The following DENND1A variants were observed in gnomAD, a reference collection of about 807,000 sequenced individuals.
DENND1A encodes DENN domain-containing protein 1A.
Under a neutral mutation model 113.7 loss-of-function variants are expected in DENND1A, and 51 were observed. The observed-to-expected ratio is 0.45, with a 90% confidence interval of 0.36 to 0.57. DENND1A has a LOEUF of 0.57. DENND1A is among the 20% of genes least tolerant of loss of function. The pLI, the probability that DENND1A is intolerant of heterozygous loss-of-function variation, is 0.00. For synonymous variants in DENND1A, 565 were observed against 570.8 expected (o/e 0.99, Z 0.14); for missense variants, 1,258 against 1,395.9 (o/e 0.90, Z 1.57).
At chr9:123,706,465 T>C (rs1451777906) in intron 5 of DENND1A, among the ~76,000 whole-genome samples, 1 of 151,186 alleles carries the variant, frequency 6.6e-6, no homozygotes, top group Non-Finnish European at 1.5e-5. Flanking sequence ...GGATATAGAG[T>C]ATGTGGACAA....
chr9:123,775,366 A>G (rs771575118), intron 3 of DENND1A, among the ~76,000 whole-genome samples: 16 of 152,162 alleles, frequency 1.1e-4, no homozygotes, highest in Non-Finnish European at 2.2e-4. Flanking sequence ...AATTCCTGTT[A>G]TCTGCACATT....
At chr9:123,465,237 C>T (rs1271953988) in intron 13 of DENND1A, among the ~76,000 whole-genome samples, 1 of 149,320 alleles carries the variant, frequency 6.7e-6, no homozygotes. Flanking sequence ...AGAATCCTGT[C>T]TAGTTCAGGG....
At chr9:123,466,112 C>A (rs759455176) in intron 13 of DENND1A, among the ~76,000 whole-genome samples, 1 of 152,146 alleles carries the variant, frequency 6.6e-6, no homozygotes, top group Non-Finnish European at 1.5e-5. Flanking sequence ...CATTCTCCTG[C>A]CTCAGCCTCC....
chr9:123,629,826 T>C (rs1281678332), intron 10 of DENND1A, among the ~76,000 whole-genome samples: 2 of 152,228 alleles, frequency 1.3e-5, no homozygotes, highest in African/African-American at 2.4e-5. Flanking sequence ...GAGATCTCAA[T>C]TGTTTTTGTC....
At position 123,633,676 on chromosome 9, in the gene DENND1A, T is replaced by G. The variant is rs564837441; in HGVS notation, c.619-3200A>C. 9.7e-4 allele frequency among the ~76,000 whole-genome samples: 147 copies of G among 152,254 alleles called. 1 individual carries two copies. Among genetic ancestry groups the G allele is most frequent in the Non-Finnish European group, 1.7e-3 (119 of 68,028 alleles). On this transcript the variant is annotated intron_variant, in intron 9 of 23. Coordinates refer to ENST00000394215, the MANE Select transcript of DENND1A (RefSeq NM_001352964.2). Reference sequence around the variant, plus strand: ...CTGTAGTCCCAGCTACTCGGGAGGCTGAGGCAGGAGAATTGCTTGAACCCA... The same window carrying G: ...CTGTAGTCCCAGCTACTCGGGAGGCGGAGGCAGGAGAATTGCTTGAACCCA...
chr9:123,697,405 A>G (rs1034412630), intron 5 of DENND1A, among the ~76,000 whole-genome samples: 2 of 152,044 alleles, frequency 1.3e-5, no homozygotes, highest in African/African-American at 2.4e-5. Flanking sequence ...TTATTTTTCC[A>G]TAAGTTATTG....
At chr9:123,541,771 A>G (rs2056305270) in intron 13 of DENND1A, among the ~76,000 whole-genome samples, 1 of 152,258 alleles carries the variant, frequency 6.6e-6, no homozygotes, top group African/African-American at 2.4e-5. Flanking sequence ...AGATGCACAG[A>G]GGACGAGTAC....
intron 9 of DENND1A, among the ~76,000 whole-genome samples, chr9:123,637,209 C>G (rs2138881930): frequency 6.6e-6 from 1 of 152,206 alleles, no homozygotes; most frequent in Non-Finnish European, 1.5e-5. Flanking sequence ...AACATAAACG[C>G]AAAGAAATGA....
At chr9:123,489,418 C>T (rs139819552) in intron 13 of DENND1A, among the ~76,000 whole-genome samples, 9 of 152,330 alleles carry the variant, frequency 5.9e-5, no homozygotes, top group East Asian at 5.8e-4. Context: ...CCTCATCCTT[C>T]GGCAAGAGCA....
intron 5 of DENND1A, among the ~76,000 whole-genome samples, chr9:123,753,431 C>T (rs2070238811): frequency 6.6e-6 from 1 of 152,200 alleles, no homozygotes; most frequent in Non-Finnish European, 1.5e-5. Context: ...ATGGCTTAAC[C>T]CTTCATGGAC....
intron 13 of DENND1A, among the ~76,000 whole-genome samples, chr9:123,462,658 G>A (rs924619213): frequency 2.0e-5 from 3 of 152,144 alleles, no homozygotes; most frequent in Non-Finnish European, 4.4e-5. Context: ...TTAGCTGGGC[G>A]TGTTGGCGCA....
At chr9:123,531,671 T>C (rs746580040) in intron 13 of DENND1A, among the ~76,000 whole-genome samples, 133 of 151,294 alleles carry the variant, frequency 8.8e-4, no homozygotes, top group Non-Finnish European at 1.7e-3. Flanking sequence ...ATTGCAGACA[T>C]GATATCCTTT....
At chr9:123,489,071 TACACACAC>T (rs144964204) in intron 13 of DENND1A, among the ~76,000 whole-genome samples, 2 of 149,656 alleles carry the variant, frequency 1.3e-5, no homozygotes, top group African/African-American at 2.4e-5. Context: ...TTCCCTCTGT[TACACACAC>T]ACACACACAC....
intron 13 of DENND1A, among the ~76,000 whole-genome samples, chr9:123,460,852 C>T (rs991792759): frequency 1.3e-5 from 2 of 152,208 alleles, no homozygotes; most frequent in African/African-American, 2.4e-5. Flanking sequence ...TACCTTTGTG[C>T]GATTATTTGA....
At chr9:123,737,859 C>A (rs775313350) in intron 5 of DENND1A, among the ~76,000 whole-genome samples, 3 of 152,144 alleles carry the variant, frequency 2.0e-5, no homozygotes, top group African/African-American at 7.2e-5. Context: ...AAATGGACTG[C>A]CATTTGGGAG....
At chr9:123,578,743 TA>T (rs1589216577) in intron 12 of DENND1A, among the ~76,000 whole-genome samples, 1 of 152,130 alleles carries the variant, frequency 6.6e-6, no homozygotes, top group Admixed American at 6.5e-5. Context: ...AAATGGGCAA[TA>T]AATCAGTACA....
chr9:123,476,627 T>C (rs909355114), intron 13 of DENND1A, among the ~76,000 whole-genome samples: 43 of 152,244 alleles, frequency 2.8e-4, no homozygotes, highest in African/African-American at 1.0e-3. Flanking sequence ...GCTCAGATGA[T>C]TCTAACGCAT....
chr9:123,722,216 G>C (rs1312695316), intron 5 of DENND1A, among the ~76,000 whole-genome samples: 1 of 152,212 alleles, frequency 6.6e-6, no homozygotes, highest in Non-Finnish European at 1.5e-5. Context: ...CTTTGTACTT[G>C]AGAAAGATGA....
intron 3 of DENND1A, among the ~76,000 whole-genome samples, chr9:123,779,147 A>G (rs1240318598): frequency 2.0e-5 from 3 of 151,990 alleles, no homozygotes; most frequent in African/African-American, 7.3e-5. Context: ...GAGCTCTTCA[A>G]TTTGGGGTTT....
Sources: allele counts gnomAD v4.1 joint callset (sites outside exome capture counted in the v4.1 genomes callset), GRCh38; gene constraint gnomAD v4.1.1; transcripts MANE v1.5; gene names NCBI Gene and HGNC (gene_info 2026-07-23, HGNC 2026-07-21).